MYO1D: variants seen among roughly 807,000 people sequenced by gnomAD.
MYO1D encodes myosin ID, also known as unconventional myosin-Id.
In MYO1D, 83 loss-of-function variants were observed where a neutral mutation model predicts 122.0. The ratio of observed to expected loss-of-function variants is 0.68; its 90% confidence interval spans 0.57 to 0.82. MYO1D has a LOEUF of 0.82. Among genes scored for constraint, MYO1D ranks in the 40% least tolerant of loss-of-function variants. The probability of loss-of-function intolerance (pLI) is 0.00; values close to 1 mark genes in which losing one functional copy is unlikely to be tolerated. For synonymous variants in MYO1D, 464 were observed against 446.9 expected (o/e 1.04, Z -0.48); for missense variants, 1,157 against 1,269.5 (o/e 0.91, Z 1.35).
At chr17:32,844,282 TATATC>T (rs916486544) in intron 1 of MYO1D, among the ~76,000 whole-genome samples, 6 of 147,038 alleles carry the variant, frequency 4.1e-5, no homozygotes, top group South Asian at 4.2e-4. Flanking sequence ...ATATGATATA[TATATC>T]ATATGTATAT....
chr17:32,658,206 TGA>T (rs1223914963), intron 17 of MYO1D, among the ~76,000 whole-genome samples: 4 of 152,258 alleles, frequency 2.6e-5, no homozygotes, highest in Non-Finnish European at 5.9e-5. Context: ...CTTTATCTTT[TGA>T]TACCTTCCAT....
At chr17:32,797,485 A>G (rs1221637168) in intron 1 of MYO1D, among the ~76,000 whole-genome samples, 1 of 152,244 alleles carries the variant, frequency 6.6e-6, no homozygotes, top group Admixed American at 6.5e-5. Flanking sequence ...ACCATGGCCC[A>G]AAAACATGAA....
intron 1 of MYO1D, among the ~76,000 whole-genome samples, chr17:32,832,545 G>A (rs1370906176): frequency 1.3e-5 from 2 of 152,020 alleles, no homozygotes; most frequent in Admixed American, 6.6e-5. Context: ...CGATCTGCCC[G>A]CCTCGGCCTC....
At chr17:32,522,871 C>A (rs941976799) in intron 21 of MYO1D, among the ~76,000 whole-genome samples, 81 of 150,094 alleles carry the variant, frequency 5.4e-4, no homozygotes, top group Non-Finnish European at 7.8e-4. Context: ...GGCTGGAGTG[C>A]AGTGGTGCGA....
chr17:32,689,967 C>T (rs2089072799), intron 16 of MYO1D, among the ~76,000 whole-genome samples: 2 of 152,076 alleles, frequency 1.3e-5, no homozygotes, highest in South Asian at 4.1e-4. Context: ...CTCAGGTTAT[C>T]CACCCGCCAC....
At position 32,507,892 on chromosome 17, in the gene MYO1D, C is replaced by CTTT. The variant is rs34271237; in HGVS notation, c.2865-12980_2865-12978dup. Among the ~76,000 whole-genome samples the CTTT allele has an allele frequency of 6.5e-4, 71 of 109,308 alleles. 1 individual carries two copies. The highest frequency in any genetic ancestry group is 2.0e-3 in the African/African-American group (54 of 26,728). The allele number at this position is 109,308 out of a possible 152,430, so 71.7% of individuals were successfully genotyped here. A position where few individuals can be genotyped will look rare whatever the true frequency, so the allele number is the denominator to read the frequency against. On this transcript the variant is annotated intron_variant, in intron 21 of 21. Coordinates refer to ENST00000318217, the MANE Select transcript of MYO1D (RefSeq NM_015194.3). ...CTCACCAGAACCCAACCATGCTGGA[C>CTTT]TTTTTTTTTTTTTTTTTTTTTTGAG...
intron 1 of MYO1D, among the ~76,000 whole-genome samples, chr17:32,781,734 CAAAAA>C (rs35583086): frequency 1.8e-5 from 2 of 108,362 alleles, no homozygotes; most frequent in Admixed American, 9.9e-5. Flanking sequence ...GGCCACAGGA[CAAAAA>C]AAAAAAAAAA....
In MYO1D at chr17:32,659,117, A is replaced by G; in HGVS notation, c.2343T>C (p.Asn781=). The G allele has an allele frequency of 6.2e-7, 1 of 1,613,658 alleles. No homozygotes were observed. Among genetic ancestry groups the G allele is most frequent in the Non-Finnish European group, 8.5e-7 (1 of 1,179,548 alleles). The change falls in exon 17 of 22, where the codon AAT becomes AAC. Residue 781 remains asparagine (N), a splice_region_variant and synonymous_variant. Transcript: ENST00000318217. ...RFEEALQTIF[N]RWRASQLIKS... is the part of the protein sequence containing the mutation. The stretch of plus-strand genomic sequence containing the variant: ...AGCACACAGCAGCACGTTCTTACCT[A>G]TTGAAAATCGTCTGCAGGGCCTCCT...
At chr17:32,560,074 G>A (rs1387062022) in intron 21 of MYO1D, among the ~76,000 whole-genome samples, 2 of 152,090 alleles carry the variant, frequency 1.3e-5, no homozygotes, top group Non-Finnish European at 2.9e-5. Flanking sequence ...GACCAACATG[G>A]TGAAACCCCC....
intron 14 of MYO1D, among the ~76,000 whole-genome samples, chr17:32,728,302 T>C (rs1274691066): frequency 6.6e-6 from 1 of 151,600 alleles, no homozygotes; most frequent in East Asian, 1.9e-4. Flanking sequence ...GACTCCCGGG[T>C]TCACGTGATT....
At chr17:32,516,415 GT>G in intron 21 of MYO1D, among the ~76,000 whole-genome samples, 1 of 152,298 alleles carries the variant, frequency 6.6e-6, no homozygotes, top group African/African-American at 2.4e-5. Context: ...TTTATTTTAA[GT>G]TCCCAGAAAT....
intron 16 of MYO1D, among the ~76,000 whole-genome samples, chr17:32,679,317 T>C (rs1160544449): frequency 6.6e-6 from 1 of 151,702 alleles, no homozygotes; most frequent in African/African-American, 2.4e-5. Flanking sequence ...TGGTGTTTTG[T>C]ACATGAAGTC....
chr17:32,860,500 T>C lies in MYO1D; in HGVS notation c.95+16278A>G, dbSNP rs192678515. On this transcript the variant is annotated intron_variant, in intron 1 of 21. Transcript: ENST00000318217. ...CTAAGACCTCCATCTTTCTCACACC[T>C]ACAACAATGTTATTTTGTATTTGTA... Among the ~76,000 whole-genome samples, 89 of 152,354 alleles carry C rather than the reference T, an allele frequency of 5.8e-4. 1 individual carries two copies. Among genetic ancestry groups the C allele is most frequent in the Non-Finnish European group, 1.3e-4 (9 of 68,034 alleles).
intron 21 of MYO1D, among the ~76,000 whole-genome samples, chr17:32,527,850 T>C (rs956056736): frequency 6.6e-6 from 1 of 151,784 alleles, no homozygotes; most frequent in African/African-American, 2.4e-5. Context: ...TTTTTTTTTT[T>C]TTTTTTGAGG....
intron 1 of MYO1D, among the ~76,000 whole-genome samples, chr17:32,841,460 C>T (rs1034057625): frequency 1.3e-5 from 2 of 149,928 alleles, no homozygotes; most frequent in African/African-American, 5.0e-5. Context: ...GAGTGAGACC[C>T]TGTCTCAAAA....
chr17:32,611,173 T>TGA (rs2087696359), intron 20 of MYO1D, among the ~76,000 whole-genome samples: 1 of 152,222 alleles, frequency 6.6e-6, no homozygotes, highest in Admixed American at 6.5e-5. Flanking sequence ...TGCAATGGAA[T>TGA]GAGCGCTAGA....
chr17:32,578,861 C>T (rs954074266), intron 21 of MYO1D, among the ~76,000 whole-genome samples: 1 of 152,112 alleles, frequency 6.6e-6, no homozygotes, highest in Non-Finnish European at 1.5e-5. Flanking sequence ...CCCCTTTTCA[C>T]TCTACATGTT....
At chr17:32,679,791 G>C (rs944394087) in intron 16 of MYO1D, among the ~76,000 whole-genome samples, 1 of 151,668 alleles carries the variant, frequency 6.6e-6, no homozygotes, top group African/African-American at 2.4e-5. Flanking sequence ...TTCCAATTCT[G>C]TGAAGAAAGT....
chr17:32,777,842 G>A (rs1239790193), intron 3 of MYO1D, among the ~76,000 whole-genome samples: 3 of 152,282 alleles, frequency 2.0e-5, no homozygotes, highest in East Asian at 3.9e-4. Flanking sequence ...GCTGAGGCAG[G>A]AGAATGGCAT....
Sources: allele counts gnomAD v4.1 joint callset (sites outside exome capture counted in the v4.1 genomes callset), GRCh38; gene constraint gnomAD v4.1.1; transcripts MANE v1.5; gene names NCBI Gene and HGNC (gene_info 2026-07-23, HGNC 2026-07-21).